CUX1: variants seen among roughly 807,000 people sequenced by gnomAD.
CUX1 encodes cut like homeobox 1.
A neutral mutation model predicts 158.8 loss-of-function variants in CUX1; 31 were observed. That is an observed-to-expected ratio of 0.20 (90% confidence interval 0.15 to 0.26). The LOEUF is 0.26. Ranked by LOEUF, CUX1 falls within the 10% of genes least tolerant of loss-of-function variation. CUX1 has a pLI of 1.00. For synonymous variants in CUX1, 879 were observed against 862.1 expected (o/e 1.02, Z -0.34); for missense variants, 1,589 against 2,014.6 (o/e 0.79, Z 4.04).
At chr7:101,892,392 C>T (rs1167015002) in intron 1 of CUX1, among the ~76,000 whole-genome samples, 2 of 152,140 alleles carry the variant, frequency 1.3e-5, no homozygotes, top group African/African-American at 4.8e-5. Context: ...GGCACCGTAT[C>T]CCAAAGTGTC....
chr7:102,255,826 TTTA>T lies in CUX1; in HGVS notation c.*6790_*6792del, dbSNP rs1233768086. ...TTTTCCCCCCTTTTCCTTCTTCTTT[TTTA>T]TTATTTTATTATTTTTTTTGTACTT... On this transcript the variant is annotated 3_prime_UTR_variant, in exon 24 of 24. Coordinates refer to ENST00000292535, the MANE Select transcript of CUX1 (RefSeq NM_181552.4). The T allele has an allele frequency of 9.2e-6, 9 of 981,780 alleles. No homozygotes were observed. The African/African-American group carries it at 1.4e-4, about 15-fold the overall frequency. 60.8% of individuals were successfully genotyped at this position (981,780 alleles called of 1,614,324 possible).
At chr7:102,205,695 G>C (rs1185875139) in intron 20 of CUX1, among the ~76,000 whole-genome samples, 1 of 152,194 alleles carries the variant, frequency 6.6e-6, no homozygotes, top group Non-Finnish European at 1.5e-5. Context: ...GCTGGGGACT[G>C]AGATCTGAGC....
intron 1 of CUX1, among the ~76,000 whole-genome samples, chr7:101,872,428 C>T (rs1451260236): frequency 6.6e-6 from 1 of 152,100 alleles, no homozygotes. Flanking sequence ...GCCACCGCGC[C>T]CGGCCCATAG....
chr7:102,109,991 G>A (rs201491), intron 6 of CUX1, among the ~76,000 whole-genome samples: 69,959 of 151,782 alleles, frequency 0.46, 16,676 homozygotes, highest in Middle Eastern at 0.54. Flanking sequence ...TAAGAATGAG[G>A]GAGAACTATG....
chr7:102,236,568 G>A (rs968068625), intron 22 of CUX1, among the ~76,000 whole-genome samples: 1 of 152,102 alleles, frequency 6.6e-6, no homozygotes, highest in East Asian at 1.9e-4. Flanking sequence ...GAGCCACTGC[G>A]CCCGGCCTTT....
intron 2 of CUX1, among the ~76,000 whole-genome samples, chr7:101,940,326 GTGT>G (rs1228748838): frequency 6.6e-6 from 1 of 152,008 alleles, no homozygotes; most frequent in Non-Finnish European, 1.5e-5. Context: ...AAAGATGTAA[GTGT>G]TGTTGGCAAG....
chr7:102,189,792 C>G (rs782611298), intron 11 of CUX1, 21 bp from the exon 12 acceptor site: 2 of 1,614,006 alleles, frequency 1.2e-6, no homozygotes, highest in Non-Finnish European at 8.5e-7. Context: ...GGCCACTGAT[C>G]AAATTCTTCT....
At chr7:102,012,310 C>G (rs1197905381) in intron 2 of CUX1, among the ~76,000 whole-genome samples, 1 of 152,100 alleles carries the variant, frequency 6.6e-6, no homozygotes, top group Non-Finnish European at 1.5e-5. Context: ...GTCTCAGCCT[C>G]CCAAGTAGCT....
intron 20 of CUX1, among the ~76,000 whole-genome samples, chr7:102,224,578 C>T (rs1011939180): frequency 6.6e-6 from 1 of 152,168 alleles, no homozygotes; most frequent in Admixed American, 6.5e-5. Context: ...TCTCAGGGCT[C>T]GGACAGGGCT....
At chr7:101,883,478 C>T (rs935410497) in intron 1 of CUX1, among the ~76,000 whole-genome samples, 10 of 152,082 alleles carry the variant, frequency 6.6e-5, no homozygotes, top group Non-Finnish European at 1.2e-4. Context: ...TACAGATCCC[C>T]GTAGCATGCC....
intron 9 of CUX1, among the ~76,000 whole-genome samples, chr7:102,162,947 A>T (rs1554507642): frequency 6.6e-6 from 1 of 152,136 alleles, no homozygotes; most frequent in East Asian, 1.9e-4. Context: ...AGAGCATGAG[A>T]TGGGGAATCA....
At chr7:102,274,455 A>T (rs1791454218) in intron 16 of CUX1, 1 of 653,148 alleles carries the variant, frequency 1.5e-6, no homozygotes, top group Non-Finnish European at 2.6e-6. Context: ...AGCAACCTTC[A>T]AAGGGTCGGG....
chr7:102,143,075 T>C (rs374364141), intron 8 of CUX1, among the ~76,000 whole-genome samples: 26 of 152,354 alleles, frequency 1.7e-4, no homozygotes, highest in African/African-American at 5.8e-4. Context: ...TCTTTGTAAC[T>C]GTCCCATGGC....
chr7:101,997,273 G>A (rs1276445537), intron 2 of CUX1, among the ~76,000 whole-genome samples: 2 of 152,234 alleles, frequency 1.3e-5, no homozygotes, highest in African/African-American at 4.8e-5. Context: ...GTGCGTGCAC[G>A]GAGCCTGCTC....
chr7:102,049,511 C>T (rs1430318863), intron 3 of CUX1, among the ~76,000 whole-genome samples: 1 of 151,974 alleles, frequency 6.6e-6, no homozygotes, highest in Non-Finnish European at 1.5e-5. Context: ...GAGGGGGAAC[C>T]TGTGAGATTA....
In CUX1 at chr7:102,255,774, C is replaced by T. The variant is rs191504512; in HGVS notation, c.*6732C>T. 56 of 985,382 alleles carry T rather than the reference C, an allele frequency of 5.7e-5. No homozygotes were observed. The African/African-American group carries it at 5.9e-4, about 10-fold the overall frequency. The allele number at this position is 985,382 out of a possible 1,614,324, so 61.0% of individuals were successfully genotyped here. On this transcript the variant is annotated 3_prime_UTR_variant, in exon 24 of 24. Transcript: ENST00000292535. Reference sequence around the variant, plus strand: ...TTCAGCAAGACACATTGAAGTGGCACGGAGCTGCTTTTGTTTTATAATTCT... The same window carrying T: ...TTCAGCAAGACACATTGAAGTGGCATGGAGCTGCTTTTGTTTTATAATTCT...
chr7:102,002,036 G>A (rs1450591455), intron 2 of CUX1, among the ~76,000 whole-genome samples: 1 of 152,222 alleles, frequency 6.6e-6, no homozygotes, highest in African/African-American at 2.4e-5. Flanking sequence ...GCTCGTGCCT[G>A]TAATCCCAGC....
intron 20 of CUX1, among the ~76,000 whole-genome samples, chr7:102,219,479 T>C (rs781985453): frequency 2.0e-5 from 3 of 152,180 alleles, no homozygotes; most frequent in Non-Finnish European, 2.9e-5. Flanking sequence ...TGCCCAAAGC[T>C]TGATGCTGCC....
At chr7:102,233,748 C>T (rs1169493577) in intron 21 of CUX1, among the ~76,000 whole-genome samples, 2 of 152,168 alleles carry the variant, frequency 1.3e-5, no homozygotes, top group Non-Finnish European at 2.9e-5. Context: ...GATTACACTA[C>T]TGCGCTCCAG....
Sources: allele counts gnomAD v4.1 joint callset (sites outside exome capture counted in the v4.1 genomes callset), GRCh38; gene constraint gnomAD v4.1.1; transcripts MANE v1.5; gene names NCBI Gene and HGNC (gene_info 2026-07-23, HGNC 2026-07-21).